The following ASB14 variants were observed in gnomAD, a reference collection of about 807,000 sequenced individuals.
ASB14 encodes ankyrin repeat and SOCS box protein 14.
ASB14 carries 63 observed loss-of-function variants against 55.6 expected under a neutral mutation model. The ratio of observed to expected loss-of-function variants is 1.13; its 90% CI spans 0.92 to 1.40. ASB14 has a LOEUF of 1.40. ASB14 is among the 40% of genes most tolerant of loss of function. ASB14 has a pLI of 0.00. For synonymous variants in ASB14, 256 were observed against 259.9 expected (o/e 0.98, Z 0.15); for missense variants, 724 against 710.4 (o/e 1.02, Z -0.22).
At chr3:57,290,626 C>T (rs562601024) in intron 2 of ASB14, among the ~76,000 whole-genome samples, 2 of 152,336 alleles carry the variant, frequency 1.3e-5, no homozygotes, top group East Asian at 3.8e-4. Context: ...ACTAAATCAG[C>T]AAGCCTGCCT....
intron 10 of ASB14, chr3:57,273,052 A>G (rs1414700892): frequency 6.6e-6 from 1 of 152,632 alleles, no homozygotes; most frequent in Non-Finnish European, 1.5e-5. Flanking sequence ...TTCTACATTA[A>G]CTAGTAAGAC....
intron 6 of ASB14, among the ~76,000 whole-genome samples, chr3:57,281,695 T>G (rs1417798920): frequency 6.6e-6 from 1 of 152,182 alleles, no homozygotes. Context: ...CTTAACATAC[T>G]CATTTTAAAG....
Position 57,280,283 on chromosome 3 carries a change from TAATG to T in ASB14, c.887+15_887+18del. The stretch of plus-strand genomic sequence containing the variant: ...CTATTACTGTTTTTATTATTTATAA[TAATG>T]TAATTGAACTTAACAGTAAGTGGCC... On this transcript the variant is annotated intron_variant, in intron 7 of 10. Transcript: ENST00000487349. 6.7e-7 allele frequency: 1 copy of T among 1,501,814 alleles called. No individual in the cohort carries two copies. The highest frequency in any genetic ancestry group is 9.0e-7 in the Non-Finnish European group (1 of 1,114,366). The allele number at this position is 1,501,814 out of a possible 1,614,324, so 93.0% of individuals were successfully genotyped here. A position where few individuals can be genotyped will look rare whatever the true frequency, so the allele number is the denominator to read the frequency against.
At chr3:57,288,747 C>A (rs1004491895) in intron 3 of ASB14, among the ~76,000 whole-genome samples, 23 of 136,460 alleles carry the variant, frequency 1.7e-4, no homozygotes, top group African/African-American at 5.8e-4. Flanking sequence ...CGGAGTCTCG[C>A]TCTGTTGCCC....
intron 5 of ASB14, among the ~76,000 whole-genome samples, chr3:57,286,482 CA>C (rs1244165710): frequency 6.7e-6 from 1 of 149,158 alleles, no homozygotes; most frequent in Non-Finnish European, 1.5e-5. Flanking sequence ...TATGAACTCA[CA>C]TTTAGAGAAG....
chr3:57,279,500 A>G (rs537408526), intron 7 of ASB14, among the ~76,000 whole-genome samples: 1 of 151,920 alleles, frequency 6.6e-6, no homozygotes, highest in East Asian at 1.9e-4. Context: ...AGAGATTGAG[A>G]CCATCCTGGC....
chr3:57,287,863 G>A (rs1233862504), intron 5 of ASB14, 38 bp downstream of exon 5: 15 of 1,528,908 alleles, frequency 9.8e-6, no homozygotes, highest in Non-Finnish European at 1.3e-5. Context: ...AGGAGACTCA[G>A]TGCCACAGAC....
At chr3:57,282,933 A>G (rs1341112838) in intron 6 of ASB14, among the ~76,000 whole-genome samples, 1 of 151,902 alleles carries the variant, frequency 6.6e-6, no homozygotes, top group Non-Finnish European at 1.5e-5. Context: ...TTAAAAAACC[A>G]TCATCATCTT....
At position 57,276,573 on chromosome 3, in the gene ASB14, C is replaced by A; in HGVS notation, c.1741G>T (p.Gly581Ter). Residue 581 changes from glycine to a stop codon, truncating the protein, a stop_gained, in exon 10 of 11, where the codon GGA (glycine) becomes TGA (stop). Coordinates refer to ENST00000487349, the MANE Select transcript of ASB14 (RefSeq NM_001142733.3). LOFTEE classifies it high-confidence loss of function. ...GATTACCAGGTTCCTGTAAAAATTC[C>A]TTGTCCATAAAGGTCGTATTCTTTG... ...LYKEYDLYGQ[G>*]IFTGTW 6.2e-7 allele frequency: 1 copy of A among 1,608,500 alleles called. No individual in the cohort carries two copies. Among genetic ancestry groups the A allele is most frequent in the African/African-American group, 1.3e-5 (1 of 74,720 alleles).
chr3:57,286,274 C>CTT (rs541957246), intron 5 of ASB14, among the ~76,000 whole-genome samples: 1 of 138,536 alleles, frequency 7.2e-6, no homozygotes, highest in Non-Finnish European at 1.6e-5. Flanking sequence ...AGTGACTTGT[C>CTT]TTTTTTTTTT....
At chr3:57,275,113 C>T (rs1476523083) in intron 10 of ASB14, among the ~76,000 whole-genome samples, 5 of 152,250 alleles carry the variant, frequency 3.3e-5, no homozygotes, top group East Asian at 1.9e-4. Context: ...GGCCCCTTAT[C>T]GCTGGTTTCC....
chr3:57,283,484 G>A (rs1037044190), intron 5 of ASB14, 45 bp from the exon 6 acceptor site: 12 of 1,516,532 alleles, frequency 7.9e-6, no homozygotes, highest in Non-Finnish European at 1.1e-5. Flanking sequence ...GGGAAGTTAA[G>A]CCCAAAGTAG....
intron 10 of ASB14, chr3:57,273,355 A>G (rs967022817): frequency 6.6e-6 from 1 of 152,578 alleles, no homozygotes; most frequent in African/African-American, 2.4e-5. Flanking sequence ...TGGAGAACTT[A>G]TTTTTTCATT....
At chr3:57,277,665 A>T in intron 9 of ASB14, 102 bp downstream of exon 9, 1 of 1,066,184 alleles carries the variant, frequency 9.4e-7, no homozygotes, top group Non-Finnish European at 1.4e-6. Flanking sequence ...GGTTTAAGTC[A>T]AGCTTTTAAC....
At chr3:57,289,177 A>G (rs1263472371) in intron 2 of ASB14, 54 bp from the exon 3 acceptor site, 1 of 1,210,382 alleles carries the variant, frequency 8.3e-7, no homozygotes, top group African/African-American at 1.5e-5. Flanking sequence ...AAAAACTGTT[A>G]TCTGATATAA....
chr3:57,274,138 T>C (rs553681588), intron 10 of ASB14, among the ~76,000 whole-genome samples: 1 of 152,190 alleles, frequency 6.6e-6, no homozygotes, highest in Non-Finnish European at 1.5e-5. Flanking sequence ...AAATAGTCTA[T>C]ATAGCCATTA....
rs1246917083 is a variant in ASB14, at chr3:57,283,330, C to T, written c.579G>A (p.Leu193=). 1.3e-6 allele frequency: 2 copies of T among 1,551,786 alleles called. No homozygotes were observed. The highest frequency in any genetic ancestry group is 1.7e-6 in the Non-Finnish European group (2 of 1,147,030). The change falls in exon 6 of 11, where the codon CTG becomes CTA. Residue 193 remains leucine (L), a synonymous_variant. Transcript: ENST00000487349. ...ERTALHEAAK[L]GREDMVKLML... ...TAAGCTTCACCATGTCCTCTCTGCC[C>T]AGTTTGGCTGCTTCGTGGAGAGCTG...
chr3:57,290,316 T>C (rs1480505342), intron 2 of ASB14, among the ~76,000 whole-genome samples: 1 of 152,158 alleles, frequency 6.6e-6, no homozygotes, highest in African/African-American at 2.4e-5. Flanking sequence ...GTGGACTCTC[T>C]GCCTCCATCT....
In ASB14 at chr3:57,287,961, G is replaced by C. The variant is rs866623440; in HGVS notation, c.409C>G (p.Leu137Val). 8 of 1,537,156 alleles carry C rather than the reference G, an allele frequency of 5.2e-6. No individual in the cohort carries two copies. The South Asian group carries it at 9.5e-5, about 18-fold the overall frequency. The change falls in exon 5 of 11, where the codon CTT becomes GTT. Residue 137 changes from leucine to valine, a missense_variant. Coordinates refer to ENST00000487349, the MANE Select transcript of ASB14 (RefSeq NM_001142733.3). ...SCLLENATFL[L>V]LNGCNPNAKN... ...GCATTTGGATTGCAGCCATTGAGAAGAAGAAAAGTGGCATTTTCTAAGAGG... is the reference window on the plus strand; with the variant it reads ...GCATTTGGATTGCAGCCATTGAGAACAAGAAAAGTGGCATTTTCTAAGAGG...
Sources: allele counts gnomAD v4.1 joint callset (sites outside exome capture counted in the v4.1 genomes callset), GRCh38; gene constraint gnomAD v4.1.1; transcripts MANE v1.5; gene names NCBI Gene and HGNC (gene_info 2026-07-23, HGNC 2026-07-21).